The following PRR16 variants were observed in gnomAD, a reference collection of about 807,000 sequenced individuals.
PRR16 encodes the protein protein Largen.
Under a neutral mutation model 18.2 loss-of-function variants are expected in PRR16, and 6 were observed. That is an observed-to-expected ratio of 0.33 (90% confidence interval 0.18 to 0.65). The LOEUF (loss-of-function observed/expected upper bound fraction) is 0.65, where lower values mean the gene tolerates loss of function less well. Among genes scored for constraint, PRR16 ranks in the 30% least tolerant of loss-of-function variants. The pLI, the probability that PRR16 is intolerant of heterozygous loss-of-function variation, is 0.74. For missense variants in PRR16, 412 were observed against 376.6 expected (o/e 1.09, Z -0.78); for synonymous variants, 151 against 147.8 (o/e 1.02, Z -0.16).
intron 1 of PRR16, among the ~76,000 whole-genome samples, chr5:120,478,142 G>T (rs1268327593): frequency 2.0e-5 from 3 of 152,116 alleles, no homozygotes; most frequent in South Asian, 4.1e-4. Flanking sequence ...CTCATTAAAT[G>T]AATTAATAAA....
intron 1 of PRR16, among the ~76,000 whole-genome samples, chr5:120,673,491 T>A (rs1314254535): frequency 6.6e-6 from 1 of 152,268 alleles, no homozygotes; most frequent in Non-Finnish European, 1.5e-5. Context: ...GTGTTTCGAT[T>A]AACATAAACT....
chr5:120,598,898 T>C (rs1263380892), intron 1 of PRR16, among the ~76,000 whole-genome samples: 2 of 151,912 alleles, frequency 1.3e-5, no homozygotes, highest in African/African-American at 4.8e-5. Context: ...TGTAATTAAG[T>C]TAGCTTACTT....
chr5:120,709,025 T>G, the PRR16 span, among the ~76,000 whole-genome samples: 1 of 83,482 alleles, frequency 1.2e-5, no homozygotes, highest in Non-Finnish European at 2.2e-5. Flanking sequence ...TTTTTTTTTT[T>G]GAGACAGAGT....
intron 1 of PRR16, among the ~76,000 whole-genome samples, chr5:120,471,162 C>T (rs1426110586): frequency 6.6e-6 from 1 of 152,018 alleles, no homozygotes; most frequent in Non-Finnish European, 1.5e-5. Context: ...AGTATTGAGA[C>T]AAAATTAATA....
At chr5:120,575,835 A>C (rs1475097557) in intron 1 of PRR16, among the ~76,000 whole-genome samples, 3 of 152,192 alleles carry the variant, frequency 2.0e-5, no homozygotes, top group Non-Finnish European at 2.9e-5. Flanking sequence ...AAAAACATTC[A>C]AATTAGCAAG....
Position 120,686,640 on chromosome 5 carries a change from T to C in PRR16, c.846T>C (p.Thr282=), listed in dbSNP as rs1757137170. Residue 282 remains threonine, a synonymous_variant, in exon 2 of 2, where the codon ACT becomes ACC. Transcript: ENST00000407149. ...GCTTCCCCCCTATCAGACCTGCAAC[T>C]GTGCCTCCTCCCACTGCACCAAAAC... ...SNSFPPIRPA[T]VPPPTAPKPQ... 1.2e-6 allele frequency: 2 copies of C among 1,601,534 alleles called. No homozygotes were observed. Among genetic ancestry groups the C allele is most frequent in the African/African-American group, 2.7e-5 (2 of 74,680 alleles).
the PRR16 span, among the ~76,000 whole-genome samples, chr5:120,702,977 G>A: frequency 1.3e-5 from 2 of 152,200 alleles, no homozygotes; most frequent in African/African-American, 2.4e-5. Context: ...ACGTCCGTGT[G>A]AAGAGACCAC....
chr5:120,481,991 A>C (rs1749632880), intron 1 of PRR16, among the ~76,000 whole-genome samples: 1 of 152,084 alleles, frequency 6.6e-6, no homozygotes, highest in Admixed American at 6.6e-5. Flanking sequence ...TCTTTAAATG[A>C]AATTTAGCAT....
chr5:120,755,638 A>T, the PRR16 span, among the ~76,000 whole-genome samples: 1 of 151,990 alleles, frequency 6.6e-6, no homozygotes, highest in African/African-American at 2.4e-5. Flanking sequence ...ACTGTCGAGG[A>T]CCACCTAGGT....
At chr5:120,767,447 G>A in the PRR16 span, among the ~76,000 whole-genome samples, 1 of 151,782 alleles carries the variant, frequency 6.6e-6, no homozygotes, top group Non-Finnish European at 1.5e-5. Context: ...ACCAATATGA[G>A]CAAATGTCAT....
chr5:120,633,044 C>G (rs1177958446), intron 1 of PRR16, among the ~76,000 whole-genome samples: 1 of 151,940 alleles, frequency 6.6e-6, no homozygotes, highest in Non-Finnish European at 1.5e-5. Flanking sequence ...CAGCAGAAAC[C>G]ATCAGGATAG....
intron 1 of PRR16, among the ~76,000 whole-genome samples, chr5:120,486,948 G>C (rs1334863101): frequency 6.6e-6 from 1 of 152,206 alleles, no homozygotes; most frequent in Non-Finnish European, 1.5e-5. Context: ...TCAAAGATCA[G>C]ATAGTTGTAG....
chr5:120,677,535 A>C (rs1162185267), intron 1 of PRR16, among the ~76,000 whole-genome samples: 1 of 152,192 alleles, frequency 6.6e-6, no homozygotes, highest in East Asian at 1.9e-4. Flanking sequence ...TTCTTTGCTG[A>C]TAATGCCACC....
intron 1 of PRR16, among the ~76,000 whole-genome samples, chr5:120,491,254 C>T (rs1306561170): frequency 6.6e-6 from 1 of 152,082 alleles, no homozygotes; most frequent in Non-Finnish European, 1.5e-5. Context: ...TGAGAAGTCA[C>T]TGGAAAAGAA....
rs1757138493 is a variant in PRR16 at position 120,686,667 on chromosome 5, A to G, written c.873A>G (p.Pro291=). 2.5e-6 allele frequency: 4 copies of G among 1,571,108 alleles called. No homozygotes were observed. Among genetic ancestry groups the G allele is most frequent in the Non-Finnish European group, 3.5e-6 (4 of 1,156,524 alleles). Residue 291 remains proline (P), a synonymous_variant, in exon 2 of 2, where the codon CCA becomes CCG. Coordinates refer to ENST00000407149, the MANE Select transcript of PRR16 (RefSeq NM_001300783.2). ...TGCCTCCTCCCACTGCACCAAAACC[A>G]CAGAAGACGATCTTGAGGAAGTCAA... ...ATVPPPTAPK[P]QKTILRKSTT... is the part of the protein sequence containing the mutation.
the PRR16 span, among the ~76,000 whole-genome samples, chr5:120,791,635 C>CATCTATCT: frequency 1.8e-4 from 26 of 142,680 alleles, no homozygotes; most frequent in African/African-American, 4.2e-4. Flanking sequence ...ATCCATCTAT[C>CATCTATCT]ATCTATCTAT....
At chr5:120,555,544 A>G (rs968766190) in intron 1 of PRR16, among the ~76,000 whole-genome samples, 1 of 151,580 alleles carries the variant, frequency 6.6e-6, no homozygotes, top group African/African-American at 2.4e-5. Context: ...AGAGAGAGAG[A>G]GAGAGAGATC....
chr5:120,771,063 A>T, the PRR16 span, among the ~76,000 whole-genome samples: 2 of 151,590 alleles, frequency 1.3e-5, no homozygotes, highest in African/African-American at 4.8e-5. Flanking sequence ...TCATTTATTC[A>T]TTTCTGGTAC....
intron 1 of PRR16, among the ~76,000 whole-genome samples, chr5:120,514,324 C>A (rs1202125241): frequency 1.3e-5 from 2 of 152,112 alleles, no homozygotes; most frequent in Non-Finnish European, 2.9e-5. Context: ...TAGAACGTGG[C>A]TTCCTACCAT....
Sources: gnomAD v4.1 joint callset for allele counts (sites outside exome capture counted in the v4.1 genomes callset) on GRCh38, gnomAD v4.1.1 for gene constraint, MANE v1.5 for transcripts, NCBI Gene and HGNC (gene_info 2026-07-23, HGNC 2026-07-21) for gene names.